Variants in ERN1 observed in about 807,000 individuals in gnomAD.
The protein encoded by ERN1 is serine/threonine-protein kinase/endoribonuclease IRE1.
In ERN1, 39 loss-of-function variants were observed where a neutral mutation model predicts 113.1. The observed-to-expected ratio is 0.34, with a 90% CI of 0.27 to 0.45. The LOEUF is 0.45. Among genes scored for constraint, ERN1 ranks in the 20% least tolerant of loss-of-function variants. ERN1 has a pLI of 1.00. For missense variants in ERN1, 976 were observed against 1,274.8 expected, an observed-to-expected ratio of 0.77 and a Z score of 3.57; for synonymous variants, 507 against 515.9, an observed-to-expected ratio of 0.98 and a Z score of 0.23.
intron 2 of ERN1, among the ~76,000 whole-genome samples, chr17:64,086,480 C>G (rs1226221586): frequency 6.6e-6 from 1 of 151,970 alleles, no homozygotes; most frequent in Middle Eastern, 3.2e-3. Flanking sequence ...TAGTATTCTA[C>G]TATAAGAATT....
chr17:64,080,730 G>A (rs1341617396), intron 3 of ERN1, 45 bp downstream of exon 3: 1 of 1,583,232 alleles, frequency 6.3e-7, no homozygotes, highest in Non-Finnish European at 8.6e-7. Context: ...ATTGAATGAA[G>A]AAGACTGAAT....
chr17:64,124,116 T>C (rs986267416), intron 1 of ERN1, among the ~76,000 whole-genome samples: 8 of 152,192 alleles, frequency 5.3e-5, no homozygotes, highest in South Asian at 2.1e-4. Context: ...AGTGAGGGTA[T>C]AAGAGACACT....
intron 2 of ERN1, among the ~76,000 whole-genome samples, chr17:64,086,637 CTTTTTT>C (rs773655917): frequency 5.3e-4 from 25 of 47,590 alleles, no homozygotes; most frequent in East Asian, 4.3e-3. Flanking sequence ...CTTTTCTTTC[CTTTTTT>C]TTTTTTTTTT....
chr17:64,063,881 A>C lies in ERN1; in HGVS notation c.1087+105T>G, dbSNP rs182864728. The C allele has an allele frequency of 2.7e-5, 29 of 1,081,172 alleles. No homozygotes were observed. The East Asian group carries it at 6.7e-4, about 25-fold the overall frequency. 67.0% of individuals were successfully genotyped at this position (1,081,172 alleles called of 1,614,324 possible). On this transcript the variant is annotated intron_variant, in intron 10 of 21. Transcript: ENST00000433197. The surrounding 1 kb of genome is among the most constrained non-coding windows in gnomAD (Gnocchi z 5.1). ...GGGCCAGCCGGGAAGGGCTCTGAGCACAAGGCCTTCCGAGCTCAGTACGGT... is the reference window on the plus strand; with the variant it reads ...GGGCCAGCCGGGAAGGGCTCTGAGCCCAAGGCCTTCCGAGCTCAGTACGGT...
Position 64,044,097 on chromosome 17 carries a change from G to A in ERN1, c.2825C>T (p.Ala942Val). ...CAGCTCCATGGCCCGGTAGGTGTGT[G>A]CGAGGAGGTGGGGGAAGCGAGATGT... ...YFTSRFPHLLAHTYRAMELCS... is the reference protein window; with the variant it reads ...YFTSRFPHLLVHTYRAMELCS... Residue 942 changes from alanine (A) to valine (V), a missense_variant, in exon 22 of 22, where the codon GCA becomes GTA. Physicochemically the swap from Ala to Val is moderately conservative, Grantham distance 64. This residue lies in a region of ERN1 where 92 missense variants were observed against 87.3 expected (regional missense o/e 1.05). Coordinates refer to ENST00000433197, the MANE Select transcript of ERN1 (RefSeq NM_001433.5). The surrounding 1 kb of genome is among the most constrained non-coding windows in gnomAD (Gnocchi z 4.1). 1 of 1,613,280 alleles carries A rather than the reference G, an allele frequency of 6.2e-7. No individual in the cohort carries two copies. The highest frequency in any genetic ancestry group is 8.5e-7 in the Non-Finnish European group (1 of 1,179,556).
rs1913709625 is a variant in ERN1, at chr17:64,079,747, T to G, written c.210-13A>C. On this transcript the variant is annotated splice_polypyrimidine_tract_variant and intron_variant, in intron 3 of 21. Coordinates refer to ENST00000433197, the MANE Select transcript of ERN1 (RefSeq NM_001433.5). ...GAGAAAGGCAGGCCTAGAGATTAAA[T>G]AATAAATATCAAAGATAAATTACAG... The G allele has an allele frequency of 6.2e-7, 1 of 1,605,646 alleles. No individual in the cohort carries two copies. The highest frequency in any genetic ancestry group is 2.2e-5 in the East Asian group (1 of 44,776).
intron 19 of ERN1, among the ~76,000 whole-genome samples, 164 bp from the exon 20 acceptor site, chr17:64,045,646 G>C (rs945552347): frequency 9.2e-5 from 14 of 152,066 alleles, no homozygotes; most frequent in African/African-American, 3.4e-4. Flanking sequence ...TTCCCTGTGA[G>C]CTGCTCTGTT....
chr17:64,047,388 C>T (rs950219509), intron 19 of ERN1, among the ~76,000 whole-genome samples: 1 of 152,038 alleles, frequency 6.6e-6, no homozygotes, highest in Non-Finnish European at 1.5e-5. Context: ...AATAAATAAG[C>T]TTATGACACT....
intron 1 of ERN1, chr17:64,129,589 C>T (rs1454623958): frequency 5.6e-6 from 2 of 360,032 alleles, no homozygotes; most frequent in East Asian, 4.1e-5. Flanking sequence ...AGCGCCGGCG[C>T]CCGCCCGCGA....
intron 1 of ERN1, among the ~76,000 whole-genome samples, chr17:64,110,468 T>A (rs1914642660): frequency 1.3e-5 from 2 of 152,188 alleles, no homozygotes; most frequent in Admixed American, 6.6e-5. Flanking sequence ...TTCTAATGGT[T>A]TTAAAAAATG....
chr17:64,044,277 T>C lies in ERN1; in HGVS notation c.2722-77A>G. 9.7e-7 allele frequency: 1 copy of C among 1,029,188 alleles called. No homozygotes were observed. The highest frequency in any genetic ancestry group is 1.4e-6 in the Non-Finnish European group (1 of 724,116). 63.8% of individuals were successfully genotyped at this position (1,029,188 alleles called of 1,614,324 possible). A position where few individuals can be genotyped will look rare whatever the true frequency, so the allele number is the denominator to read the frequency against. On this transcript the variant is annotated intron_variant, in intron 21 of 21. Transcript: ENST00000433197. This position sits in a 1 kb window ranked among gnomAD's most constrained non-coding sequence, Gnocchi z 4.1. The stretch of plus-strand genomic sequence containing the variant: ...GAAATGTTGGCAAAACACCCTTTCA[T>C]CATGCAAGGAAGAGACAGAATGTGA...
At position 64,055,409 on chromosome 17, in the gene ERN1, C is replaced by T. The variant is rs373590263; in HGVS notation, c.1672+266G>A. ...TGGGAACTCTCTTCAGCCCAATGGGCAGCTCACCTCTGGTCAGCCGCGACG... is the reference window on the plus strand; with the variant it reads ...TGGGAACTCTCTTCAGCCCAATGGGTAGCTCACCTCTGGTCAGCCGCGACG... On this transcript the variant is annotated intron_variant, in intron 13 of 21. Transcript: ENST00000433197. Among the ~76,000 whole-genome samples, 4 of 152,344 alleles carry T rather than the reference C, an allele frequency of 2.6e-5. No individual in the cohort carries two copies. The East Asian group carries it at 5.8e-4, about 22-fold the overall frequency.
In ERN1 at chr17:64,045,372, G is replaced by A. The variant is rs1451053373; in HGVS notation, c.2640C>T (p.Val880=). Residue 880 remains valine, a synonymous_variant, in exon 20 of 22, where the codon GTC becomes GTT. Coordinates refer to ENST00000433197, the MANE Select transcript of ERN1 (RefSeq NM_001433.5). ...CAGCATGATCACCTGTCTGGAGGGG[G>A]ACAGTGATGTTCTCCCGCCAGTCCA... ...VKMDWRENIT[V]PLQTDLRKFR... 6.8e-6 allele frequency: 11 copies of A among 1,613,652 alleles called. No individual in the cohort carries two copies. Among genetic ancestry groups the A allele is most frequent in the African/African-American group, 1.3e-5 (1 of 74,890 alleles).
chr17:64,064,353 G>A (rs1367452267), intron 9 of ERN1, among the ~76,000 whole-genome samples: 1 of 152,246 alleles, frequency 6.6e-6, no homozygotes. Flanking sequence ...CTTTATGGAC[G>A]TCTTTTTAGA....
rs1330970035 is a variant in ERN1, at chr17:64,039,378, G to A, written c.*4610C>T. Reference sequence around the variant, plus strand: ...GAAGACTGTATCACACAATTAACACGTACTAATTAAACAATTAACCATCCA... The same window carrying A: ...GAAGACTGTATCACACAATTAACACATACTAATTAAACAATTAACCATCCA... On this transcript the variant is annotated 3_prime_UTR_variant, in exon 22 of 22. Coordinates refer to ENST00000433197, the MANE Select transcript of ERN1 (RefSeq NM_001433.5). The A allele has an allele frequency of 2.6e-5, 4 of 152,060 alleles. No individual in the cohort carries two copies. The highest frequency in any genetic ancestry group is 3.9e-4 in the East Asian group (2 of 5,190). 9.4% of individuals were successfully genotyped at this position (152,060 alleles called of 1,614,324 possible). A position where few individuals can be genotyped will look rare whatever the true frequency, so the allele number is the denominator to read the frequency against.
chr17:64,085,339 G>C (rs968393517), intron 2 of ERN1, among the ~76,000 whole-genome samples: 5 of 152,196 alleles, frequency 3.3e-5, no homozygotes, highest in Non-Finnish European at 1.5e-5. Flanking sequence ...GAAGGCAAAG[G>C]GGAACCGGAG....
At position 64,039,666 on chromosome 17, in the gene ERN1, T is replaced by C. The variant is rs569195753; in HGVS notation, c.*4322A>G. On this transcript the variant is annotated 3_prime_UTR_variant, in exon 22 of 22. Coordinates refer to ENST00000433197, the MANE Select transcript of ERN1 (RefSeq NM_001433.5). ...ATAAATAGGTTAAATAAATAGGTCA[T>C]TGCAAAAAGAACACTACACAAGGTT... 3.8e-4 allele frequency: 58 copies of C among 152,318 alleles called. No individual in the cohort carries two copies. Among genetic ancestry groups the C allele is most frequent in the African/African-American group, 1.2e-3 (49 of 41,566 alleles). 9.4% of individuals were successfully genotyped at this position (152,318 alleles called of 1,614,324 possible).
chr17:64,101,899 T>C (rs1342884373), intron 1 of ERN1, among the ~76,000 whole-genome samples: 1 of 152,172 alleles, frequency 6.6e-6, no homozygotes, highest in Non-Finnish European at 1.5e-5. Flanking sequence ...GAAGCACTAG[T>C]GGAAACAAAA....
intron 2 of ERN1, among the ~76,000 whole-genome samples, chr17:64,085,145 G>A (rs1467003028): frequency 6.6e-6 from 1 of 152,198 alleles, no homozygotes; most frequent in African/African-American, 2.4e-5. Context: ...CGTATTTGCT[G>A]AATGGAGTAA....
Sources: gnomAD v4.1 joint callset for allele counts (sites outside exome capture counted in the v4.1 genomes callset) on GRCh38, gnomAD v4.1.1 for gene constraint, gnomAD v4.1.1 regional missense constraint, Gnocchi (gnomAD v3.1) non-coding constraint, MANE v1.5 for transcripts, NCBI Gene and HGNC (gene_info 2026-07-23, HGNC 2026-07-21) for gene names.